TMEM178B: variants seen among roughly 807,000 people sequenced by gnomAD.
The protein encoded by TMEM178B is transmembrane protein 178B.
TMEM178B carries 5 observed loss-of-function variants against 31.0 expected under a neutral mutation model. The ratio of observed to expected loss-of-function variants is 0.16; its 90% CI spans 0.08 to 0.34. TMEM178B has a LOEUF of 0.34. Ranked by LOEUF, TMEM178B falls within the 10% of genes least tolerant of loss-of-function variation. TMEM178B has a pLI of 1.00. For synonymous variants in TMEM178B, 164 were observed against 164.0 expected (o/e 1.00, Z 0.00); for missense variants, 275 against 400.3 (o/e 0.69, Z 2.67).
rs1276808384 is a variant in TMEM178B, at chr7:141,318,022, G to T, written c.496+105318G>T. 2.0e-5 allele frequency among the ~76,000 whole-genome samples: 3 copies of T among 152,222 alleles called. No homozygotes were observed. The highest frequency in any genetic ancestry group is 2.9e-5 in the Non-Finnish European group (2 of 68,036). On this transcript the variant is annotated intron_variant, in intron 2 of 3. Transcript: ENST00000565468. This position sits in a 1 kb window ranked among gnomAD's most constrained non-coding sequence, Gnocchi z 4.1. ...TTTGGCTTAAAAAAAGAAGATGGGT[G>T]TTTGGGGAGGGAATTATAGATTTAT...
intron 2 of TMEM178B, among the ~76,000 whole-genome samples, chr7:141,351,573 TG>T (rs1276731538): frequency 6.6e-6 from 1 of 152,180 alleles, no homozygotes; most frequent in Non-Finnish European, 1.5e-5. Flanking sequence ...CCCCACCCCT[TG>T]ATAAGAGGGG....
At position 141,136,128 on chromosome 7, in the gene TMEM178B, T is replaced by C. The variant is rs144501304; in HGVS notation, c.382+61436T>C. Among the ~76,000 whole-genome samples the C allele has an allele frequency of 3.7e-3, 569 of 152,280 alleles. 13 individuals are homozygous for C. The highest frequency in any genetic ancestry group is 0.03 in the Admixed American group (464 of 15,290). On this transcript the variant is annotated intron_variant, in intron 1 of 3. Transcript: ENST00000565468. ...CTTCATAGTACCTGTCTTCAAAATA[T>C]ACTACAAAACTATAGTAACCAAAAC... is the stretch of plus-strand genomic sequence containing the variant.
intron 1 of TMEM178B, among the ~76,000 whole-genome samples, chr7:141,174,862 C>T (rs892190370): frequency 2.6e-5 from 4 of 152,092 alleles, no homozygotes; most frequent in Admixed American, 2.6e-4. Context: ...TGGATATTAG[C>T]CGTTTGTCAG....
At chr7:141,235,390 C>A (rs762012302) in intron 2 of TMEM178B, among the ~76,000 whole-genome samples, 1 of 152,176 alleles carries the variant, frequency 6.6e-6, no homozygotes, top group Non-Finnish European at 1.5e-5. Context: ...CAGTAAAGTA[C>A]AGTCAGATGT....
chr7:141,413,116 C>T lies in TMEM178B; in HGVS notation c.497-24492C>T, dbSNP rs372457500. Among the ~76,000 whole-genome samples the T allele has an allele frequency of 1.0e-3, 154 of 152,238 alleles. 1 individual carries two copies. Among genetic ancestry groups the T allele is most frequent in the African/African-American group, 3.5e-3 (147 of 41,556 alleles). Reference sequence around the variant, plus strand: ...CGCCAACCATGAATTTTACCTGAGCCCTTCTATGCGCCACTCACAGTGCCA... The same window carrying T: ...CGCCAACCATGAATTTTACCTGAGCTCTTCTATGCGCCACTCACAGTGCCA... On this transcript the variant is annotated intron_variant, in intron 2 of 3. Coordinates refer to ENST00000565468, the MANE Select transcript of TMEM178B (RefSeq NM_001195278.2).
At chr7:141,383,164 C>T (rs76243195) in intron 2 of TMEM178B, among the ~76,000 whole-genome samples, 1,423 of 104,260 alleles carry the variant, frequency 0.014, 24 homozygotes, top group African/African-American at 0.047. Flanking sequence ...TTCTTTCTTT[C>T]TTTTTTTTTA....
intron 2 of TMEM178B, among the ~76,000 whole-genome samples, chr7:141,388,830 C>T (rs916811118): frequency 1.3e-5 from 2 of 152,160 alleles, no homozygotes; most frequent in African/African-American, 2.4e-5. Flanking sequence ...GATCTACATA[C>T]ATAAACAAAC....
intron 3 of TMEM178B, among the ~76,000 whole-genome samples, chr7:141,444,855 G>A (rs1441979343): frequency 6.6e-6 from 1 of 151,666 alleles, no homozygotes; most frequent in Non-Finnish European, 1.5e-5. Flanking sequence ...GGGCCCCACA[G>A]CCCCTGCTTC....
intron 2 of TMEM178B, among the ~76,000 whole-genome samples, chr7:141,278,447 G>T (rs1037686036): frequency 6.6e-5 from 10 of 152,104 alleles, no homozygotes; most frequent in African/African-American, 2.4e-4. Context: ...CCAGGCTTGG[G>T]GGCTGCGCAC....
At chr7:141,385,171 A>G (rs1800408285) in intron 2 of TMEM178B, among the ~76,000 whole-genome samples, 2 of 152,056 alleles carry the variant, frequency 1.3e-5, no homozygotes, top group Admixed American at 6.6e-5. Flanking sequence ...CACTTTTCGT[A>G]TTTTTCCAGA....
At chr7:141,276,445 C>T (rs1798268083) in intron 2 of TMEM178B, among the ~76,000 whole-genome samples, 1 of 152,074 alleles carries the variant, frequency 6.6e-6, no homozygotes, top group Admixed American at 6.5e-5. Flanking sequence ...CCTCAGGAAA[C>T]TTACAGTTAT....
chr7:141,464,351 T>C (rs2116722273), intron 3 of TMEM178B, among the ~76,000 whole-genome samples: 1 of 152,310 alleles, frequency 6.6e-6, no homozygotes, highest in South Asian at 2.1e-4. Flanking sequence ...TAGAGACTTC[T>C]AGACTTGGGA....
chr7:141,225,769 T>C (rs1484776067), intron 2 of TMEM178B, among the ~76,000 whole-genome samples: 4 of 152,180 alleles, frequency 2.6e-5, no homozygotes, highest in Non-Finnish European at 4.4e-5. Context: ...CAGACTTCTC[T>C]GTCCCTTGTA....
At chr7:141,082,818 G>A (rs1229763376) in intron 1 of TMEM178B, among the ~76,000 whole-genome samples, 1 of 152,204 alleles carries the variant, frequency 6.6e-6, no homozygotes, top group Non-Finnish European at 1.5e-5. Context: ...TCCTCAGGAG[G>A]TCTTACCTGC....
intron 1 of TMEM178B, among the ~76,000 whole-genome samples, chr7:141,095,439 G>GT (rs1435818063): frequency 2.0e-5 from 3 of 152,112 alleles, no homozygotes; most frequent in Admixed American, 2.0e-4. Context: ...TCCATAAAAT[G>GT]TTTTTTGGAA....
At chr7:141,367,993 G>A (rs1344243893) in intron 2 of TMEM178B, among the ~76,000 whole-genome samples, 1 of 152,188 alleles carries the variant, frequency 6.6e-6, no homozygotes. Flanking sequence ...CAGAGGCCAT[G>A]CTTATTCTGG....
chr7:141,229,100 G>GGT (rs3035765), intron 2 of TMEM178B, among the ~76,000 whole-genome samples: 13,860 of 134,638 alleles, frequency 0.1, 842 homozygotes, highest in East Asian at 0.17. Context: ...GTGTGTGTGT[G>GGT]GTGTGTGTGT....
chr7:141,213,321 A>G lies in TMEM178B; in HGVS notation c.496+617A>G, dbSNP rs115561673. On this transcript the variant is annotated intron_variant, in intron 2 of 3. Transcript: ENST00000565468. ...CTTGGCCAGGGATCCTCAGAGACTT[A>G]AATGACAACGAGAGGGTTAGTTCAT... Among the ~76,000 whole-genome samples the G allele has an allele frequency of 1.7e-3, 258 of 152,370 alleles. 2 individuals carry two copies. The highest frequency in any genetic ancestry group is 5.7e-3 in the African/African-American group (238 of 41,586).
intron 1 of TMEM178B, among the ~76,000 whole-genome samples, chr7:141,107,045 C>T (rs935820383): frequency 6.6e-6 from 1 of 152,098 alleles, no homozygotes; most frequent in Admixed American, 6.5e-5. Flanking sequence ...AAGAAGAGCT[C>T]ACTAAGAAGA....
Sources: allele counts gnomAD v4.1 joint callset (sites outside exome capture counted in the v4.1 genomes callset), GRCh38; gene constraint gnomAD v4.1.1; non-coding constraint Gnocchi (gnomAD v3.1); transcripts MANE v1.5; gene names NCBI Gene and HGNC (gene_info 2026-07-23, HGNC 2026-07-21).